C11orf65: variants seen among roughly 807,000 people sequenced by gnomAD.
C11orf65 encodes chromosome 11 open reading frame 65.
In C11orf65, 38 loss-of-function variants were observed where a neutral mutation model predicts 35.3. That is an observed-to-expected ratio of 1.08 (90% CI 0.83 to 1.41). The LOEUF (loss-of-function observed/expected upper bound fraction) is 1.41. Ranked by LOEUF, C11orf65 falls within the 40% of genes most tolerant of loss-of-function variation. The pLI is 0.00. For missense variants in C11orf65, 370 were observed against 367.1 expected (o/e 1.01, Z -0.06); for synonymous variants, 105 against 114.4 (o/e 0.92, Z 0.53).
intron 6 of C11orf65, chr11:108,325,208 T>C: frequency 1.2e-6 from 1 of 803,512 alleles, no homozygotes; most frequent in Non-Finnish European, 2.0e-6. Context: ...AGTTCCTTTG[T>C]ATTATTATAA....
intron 2 of C11orf65, among the ~76,000 whole-genome samples, chr11:108,455,632 A>G (rs1049022334): frequency 1.3e-5 from 2 of 152,008 alleles, no homozygotes; most frequent in Non-Finnish European, 2.9e-5. Context: ...ACTGACCAAC[A>G]TAGTGAAATC....
At chr11:108,421,576 T>C (rs1176393873) in intron 3 of C11orf65, among the ~76,000 whole-genome samples, 1 of 152,052 alleles carries the variant, frequency 6.6e-6, no homozygotes, top group African/African-American at 2.4e-5. Context: ...GAGAATCACT[T>C]GAATCTGGGA....
At chr11:108,321,970 C>A (rs751754890) in intron 6 of C11orf65, among the ~76,000 whole-genome samples, 2 of 152,008 alleles carry the variant, frequency 1.3e-5, no homozygotes, top group African/African-American at 4.8e-5. Flanking sequence ...TTTCCCTGGC[C>A]TACCAAGATA....
chr11:108,356,106 G>C (rs923910954), intron 2 of C11orf65: 2 of 152,100 alleles, frequency 1.3e-5, no homozygotes, highest in Non-Finnish European at 2.9e-5. Flanking sequence ...GTTTGCCATT[G>C]GTTCTGCAGT....
chr11:108,374,019 C>T (rs915228663), intron 2 of C11orf65, among the ~76,000 whole-genome samples: 39 of 152,246 alleles, frequency 2.6e-4, no homozygotes, highest in African/African-American at 6.8e-4. Context: ...ACAAAGCAGC[C>T]GGGAAGCTCC....
intron 2 of C11orf65, chr11:108,355,926 T>G (rs1335768596): frequency 6.6e-6 from 1 of 152,220 alleles, no homozygotes; most frequent in Non-Finnish European, 1.5e-5. Context: ...AGATCTCCTT[T>G]GGACTGCAGA....
intron 3 of C11orf65, among the ~76,000 whole-genome samples, chr11:108,417,058 T>A (rs2092744165): frequency 6.6e-6 from 1 of 151,974 alleles, no homozygotes; most frequent in African/African-American, 2.4e-5. Flanking sequence ...GAGAAAAATA[T>A]AAAAAACTCA....
At chr11:108,368,039 G>A (rs2091421656) in intron 2 of C11orf65, 2 of 207,132 alleles carry the variant, frequency 9.7e-6, no homozygotes, top group East Asian at 1.5e-4. Context: ...CATCCAGAGA[G>A]CTTTGAATAA....
chr11:108,436,913 T>C (rs1395145919), intron 2 of C11orf65, among the ~76,000 whole-genome samples: 1 of 152,092 alleles, frequency 6.6e-6, no homozygotes, highest in African/African-American at 2.4e-5. Context: ...GAAATAAATA[T>C]GCTTTTAGAC....
At chr11:108,447,015 A>G (rs1022162259) in intron 2 of C11orf65, among the ~76,000 whole-genome samples, 7 of 152,190 alleles carry the variant, frequency 4.6e-5, no homozygotes, top group African/African-American at 1.7e-4. Flanking sequence ...TTAAACCAAC[A>G]AAGATCAAAA....
intron 3 of C11orf65, among the ~76,000 whole-genome samples, chr11:108,430,429 G>A (rs936588082): frequency 6.6e-6 from 1 of 151,144 alleles, no homozygotes; most frequent in African/African-American, 2.4e-5. Context: ...GTGAGCCACT[G>A]CGCCCAGCCT....
chr11:108,321,192 G>C, intron 6 of C11orf65: 11 of 1,401,512 alleles, frequency 7.8e-6, no homozygotes, highest in Non-Finnish European at 8.9e-6. Flanking sequence ...AGTATTATTA[G>C]ATCAGTAGCA....
chr11:108,405,608 G>A, intron 5 of C11orf65, 49 bp from the exon 6 acceptor site: 1 of 1,581,830 alleles, frequency 6.3e-7, no homozygotes, highest in Non-Finnish European at 8.6e-7. Flanking sequence ...TATCGATTGT[G>A]AGGTTATCTG....
chr11:108,457,006 T>A (rs1016364461), intron 2 of C11orf65, among the ~76,000 whole-genome samples: 2 of 152,138 alleles, frequency 1.3e-5, no homozygotes, highest in African/African-American at 4.8e-5. Context: ...AGGTAATAGA[T>A]CTTGGCGGTT....
intron 6 of C11orf65, among the ~76,000 whole-genome samples, chr11:108,324,140 T>G (rs2085431924): frequency 6.6e-6 from 1 of 152,184 alleles, no homozygotes; most frequent in Admixed American, 6.5e-5. Context: ...ATTAGAGATT[T>G]ATGTATAACC....
At chr11:108,316,753 C>CAAAAAAAAAAAA (rs58165074) in intron 6 of C11orf65, among the ~76,000 whole-genome samples, 2 of 72,380 alleles carry the variant, frequency 2.8e-5, no homozygotes, top group African/African-American at 5.5e-5. Flanking sequence ...ACTAAAAATA[C>CAAAAAAAAAAAA]AAAAAAAAAA....
intron 2 of C11orf65, among the ~76,000 whole-genome samples, chr11:108,338,124 G>A (rs891567445): frequency 6.6e-6 from 1 of 152,260 alleles, no homozygotes; most frequent in East Asian, 1.9e-4. Flanking sequence ...CGAGGTGGGC[G>A]GATCACTTGA....
rs996102942 is a variant in C11orf65 at position 108,383,077 on chromosome 11, C to T, written c.886G>A (p.Val296Ile). 1.9e-6 allele frequency: 3 copies of T among 1,611,594 alleles called. No individual in the cohort carries two copies. The highest frequency in any genetic ancestry group is 1.3e-5 in the African/African-American group (1 of 74,842). The change falls in exon 9 of 9, where the codon GTT (valine) becomes ATT (isoleucine). Residue 296 changes from valine to isoleucine, a missense_variant. Physicochemically the swap from Val to Ile is conservative, Grantham distance 29 (BLOSUM62 3). Transcript: ENST00000393084. The part of the protein sequence containing the change: ...GIPDDTYYEN[V>I]YQEPNVTRLT... ...CTAGTTACATTTGGTTCTTGATAAA[C>T]ATTTTCATAGTAAGTATCATCTGGT...
chr11:108,332,800 C>T lies in C11orf65; in HGVS notation c.300-1233G>A, dbSNP rs768423205. On this transcript the variant is annotated intron_variant, in intron 3 of 3. Coordinates refer to the C11orf65 transcript ENST00000524755. ...CTGCAAATAGAATAATATGTACTAT[C>T]AGAAGTAGGAGACCTCAGATGGTCA... 6.2e-7 allele frequency: 1 copy of T among 1,613,246 alleles called. No individual in the cohort carries two copies.
Sources: gnomAD v4.1 joint callset for allele counts (sites outside exome capture counted in the v4.1 genomes callset) on GRCh38, gnomAD v4.1.1 for gene constraint, MANE v1.5 for transcripts, NCBI Gene and HGNC (gene_info 2026-07-23, HGNC 2026-07-21) for gene names.